Variants in FGF13 observed in about 807,000 individuals in gnomAD.
The protein encoded by FGF13 is fibroblast growth factor homologous factor 2.
FGF13 carries 2 observed loss-of-function variants against 19.5 expected under a neutral mutation model. The observed-to-expected ratio is 0.10, with a 90% CI of 0.04 to 0.32. The LOEUF (loss-of-function observed/expected upper bound fraction) is 0.32, where lower values mean the gene tolerates loss of function less well. Ranked by LOEUF, FGF13 falls within the 10% of genes least tolerant of loss-of-function variation. The pLI is 1.00. For synonymous variants in FGF13, 72 were observed against 76.9 expected (o/e 0.94, Z 0.33); for missense variants, 113 against 192.7 (o/e 0.59, Z 2.45).
intron 1 of FGF13, among the ~76,000 whole-genome samples, chrX:139,079,873 T>C (rs1315126584): frequency 9.0e-6 from 1 of 110,850 alleles, no homozygotes; most frequent in Non-Finnish European, 1.9e-5. Context: ...TTCTTATGAC[T>C]GTCATGAGGA....
chrX:139,089,632 G>A (rs1362451357), intron 1 of FGF13, among the ~76,000 whole-genome samples: 2 of 111,445 alleles, frequency 1.8e-5, no homozygotes, highest in African/African-American at 6.5e-5. Context: ...CATCTCAACT[G>A]AAATCCTGGA....
At chrX:138,990,265 T>A (rs1460376707) in intron 1 of FGF13, among the ~76,000 whole-genome samples, 1 of 110,161 alleles carries the variant, frequency 9.1e-6, no homozygotes, top group South Asian at 4.0e-4. Flanking sequence ...GCTTCCTGGG[T>A]TAAGATTTAA....
At chrX:138,650,159 T>C (rs762531452) in intron 3 of FGF13, among the ~76,000 whole-genome samples, 149 of 111,864 alleles carry the variant, frequency 1.3e-3, no homozygotes, top group African/African-American at 4.6e-3. Flanking sequence ...CAAAACTGAG[T>C]TCTATAGTCT....
intron 1 of FGF13, among the ~76,000 whole-genome samples, chrX:138,990,961 G>C (rs1033535170): frequency 1.8e-5 from 2 of 112,019 alleles, no homozygotes; most frequent in African/African-American, 6.5e-5. Context: ...ATCATACGCT[G>C]GATTCTAGCT....
At chrX:138,960,564 A>G (rs1271313073) in intron 1 of FGF13, among the ~76,000 whole-genome samples, 2 of 111,716 alleles carry the variant, frequency 1.8e-5, no homozygotes, top group Non-Finnish European at 3.8e-5. Context: ...CTGCCTTGCT[A>G]GGTTGGGGAA....
chrX:138,918,118 C>T (rs1051236736), intron 1 of FGF13, among the ~76,000 whole-genome samples: 2 of 109,040 alleles, frequency 1.8e-5, no homozygotes, highest in East Asian at 5.7e-4. Flanking sequence ...GGACTAAAAC[C>T]TTTCCAAAAC....
chrX:139,075,832 C>CTT (rs749792834), intron 1 of FGF13, among the ~76,000 whole-genome samples: 23 of 32,534 alleles, frequency 7.1e-4, no homozygotes, highest in African/African-American at 8.7e-4. Flanking sequence ...ATGTGTATTT[C>CTT]TTTTTTTTTT....
intron 3 of FGF13, among the ~76,000 whole-genome samples, chrX:138,830,729 G>C (rs1602928394): frequency 1.0e-5 from 1 of 96,179 alleles, no homozygotes; most frequent in African/African-American, 3.8e-5. Flanking sequence ...GTGTGTGTGT[G>C]TTTTAAGCTA....
chrX:138,874,811 G>A (rs2091378791), intron 1 of FGF13, among the ~76,000 whole-genome samples: 1 of 111,602 alleles, frequency 9.0e-6, no homozygotes, highest in African/African-American at 3.3e-5. Context: ...CTATACTTAG[G>A]TCAGTCCTAA....
chrX:138,865,122 C>G (rs7062722), intron 1 of FGF13, among the ~76,000 whole-genome samples: 11,540 of 111,284 alleles, frequency 0.1, 1,462 homozygotes, highest in African/African-American at 0.36. Flanking sequence ...GATTGGAGAA[C>G]GACTCTCCCA....
At chrX:138,870,001 A>T (rs1330370927) in intron 1 of FGF13, among the ~76,000 whole-genome samples, 1 of 112,369 alleles carries the variant, frequency 8.9e-6, no homozygotes, top group Admixed American at 9.4e-5. Context: ...ATTACTATTT[A>T]AGAAAAAGGC....
chrX:138,966,336 G>C (rs2091894979), intron 1 of FGF13, among the ~76,000 whole-genome samples: 2 of 112,260 alleles, frequency 1.8e-5, no homozygotes, highest in African/African-American at 6.5e-5. Context: ...GCCAGGGCAG[G>C]GGGCTGTACC....
intron 1 of FGF13, among the ~76,000 whole-genome samples, chrX:139,137,698 G>C (rs1463174297): frequency 8.9e-6 from 1 of 112,445 alleles, no homozygotes; most frequent in Non-Finnish European, 1.9e-5. Flanking sequence ...TATTTTGATT[G>C]TGTCAACTCT....
rs180734815 is a variant in FGF13, at chrX:138,898,464, G to A, written c.-112-33814C>T. ...TCATTTCCTTCTACTCACTCACTGA[G>A]GCAAACATGTAAGTGCAAGGACCAT... is the stretch of plus-strand genomic sequence containing the variant. On this transcript the variant is annotated intron_variant, in intron 1 of 2. Transcript: ENST00000421460. 1.7e-3 allele frequency among the ~76,000 whole-genome samples: 187 copies of A among 111,809 alleles called. 2 individuals carry two copies. The highest frequency in any genetic ancestry group is 3.9e-3 in the Admixed American group (41 of 10,507).
chrX:138,748,404 C>A (rs1268004431), intron 3 of FGF13, among the ~76,000 whole-genome samples: 2 of 111,255 alleles, frequency 1.8e-5, no homozygotes, highest in Non-Finnish European at 3.8e-5. Flanking sequence ...AGAGCTCAAT[C>A]TCTTTCCATG....
rs1312349047 is a variant in FGF13, at chrX:138,851,467, G to C, written c.217+6045C>G. Among the ~76,000 whole-genome samples the C allele has an allele frequency of 3.6e-5, 4 of 111,543 alleles. No individual in the cohort carries two copies. The Admixed American group carries it at 3.8e-4, about 11-fold the overall frequency. ...TGAGATGGTACCTCATTGTGGCTTT[G>C]ATTTGCATTTCTCTAATGACGCAGC... On this transcript the variant is annotated intron_variant, in intron 3 of 6. Transcript: ENST00000436198.
At chrX:139,152,308 T>A (rs2083940171) in intron 1 of FGF13, among the ~76,000 whole-genome samples, 1 of 94,544 alleles carries the variant, frequency 1.1e-5, no homozygotes, top group Non-Finnish European at 2.1e-5. Flanking sequence ...ACCGATGTGA[T>A]TAAGTTAAAA....
intron 3 of FGF13, among the ~76,000 whole-genome samples, chrX:138,640,635 G>A (rs1160901491): frequency 8.9e-6 from 1 of 111,836 alleles, no homozygotes; most frequent in Non-Finnish European, 1.9e-5. Context: ...TATATCTTCA[G>A]TAGCCATACC....
intron 1 of FGF13, among the ~76,000 whole-genome samples, chrX:139,073,781 GGATACCCAGAATAGA>G (rs1342040182): frequency 2.7e-5 from 3 of 112,034 alleles, no homozygotes; most frequent in African/African-American, 9.7e-5. Flanking sequence ...AATGTTATTT[GGATACCCAGAATAGA>G]AATCTTCACT....
Sources: gnomAD v4.1 joint callset for allele counts (sites outside exome capture counted in the v4.1 genomes callset) on GRCh38, gnomAD v4.1.1 for gene constraint, MANE v1.5 for transcripts, NCBI Gene and HGNC (gene_info 2026-07-23, HGNC 2026-07-21) for gene names.